FKBP1C: variants seen among roughly 807,000 people sequenced by gnomAD.
FKBP1C encodes the protein peptidyl-prolyl cis-trans isomerase FKBP1C.
FKBP1C carries 7 observed loss-of-function variants against 7.1 expected under a neutral mutation model. The ratio of observed to expected loss-of-function variants is 0.99; its 90% CI spans 0.56 to 1.86. FKBP1C has a LOEUF of 1.86. Ranked by LOEUF, FKBP1C falls within the 40% of genes most tolerant of loss-of-function variation. FKBP1C has a pLI of 0.00. For synonymous variants in FKBP1C, 56 were observed against 51.2 expected, an observed-to-expected ratio of 1.09 and a Z score of -0.40; for missense variants, 159 against 139.9, an observed-to-expected ratio of 1.14 and a Z score of -0.69.
chr6:63,211,593 T>G (rs778891458), exon 1 of FKBP1C: 12 of 1,545,814 alleles, frequency 7.8e-6, no homozygotes, highest in African/African-American at 6.8e-5. Flanking sequence ...CCCAGGAGAC[T>G]GGCGCACCTT....
Position 63,211,857 on chromosome 6 carries a change from G to A in FKBP1C, c.301G>A (p.Asp101Asn), listed in dbSNP as rs748793060. Residue 101 changes from aspartate to asparagine, a missense_variant, in exon 1 of 1, where the codon GAT becomes AAT. Asp to Asn is a conservative substitution (Grantham distance 23). Transcript: ENST00000370659. ...CCCACCACATGCCACTCTCGTCTTC[G>A]ATGTGGAGCTTCTAAAACTGGAATG... 26 of 1,613,020 alleles carry A rather than the reference G, an allele frequency of 1.6e-5. No homozygotes were observed. In the South Asian group the frequency reaches 2.2e-4, roughly 14 times the overall value.
exon 1 of FKBP1C, chr6:63,212,149 G>C: frequency 1.7e-6 from 1 of 592,096 alleles, no homozygotes; most frequent in South Asian, 2.2e-5. Flanking sequence ...TTTTCATTTT[G>C]GGGTGAAGAT....
chr6:63,212,848 C>T (rs1036616253), exon 1 of FKBP1C: 9 of 166,796 alleles, frequency 5.4e-5, no homozygotes, highest in Non-Finnish European at 7.3e-5. Flanking sequence ...ATGCTTGGCT[C>T]CCTCTGCTGA....
chr6:63,212,292 G>A (rs1029186189), exon 1 of FKBP1C: 4 of 245,886 alleles, frequency 1.6e-5, no homozygotes, highest in Admixed American at 5.1e-5. Flanking sequence ...TTAATTTTTT[G>A]GATGAAATTT....
rs1766111116 is a variant in FKBP1C, at chr6:63,211,940, G to C, written c.*57G>C. 6.4e-6 allele frequency: 10 copies of C among 1,572,684 alleles called. No individual in the cohort carries two copies. In the South Asian group the frequency reaches 6.6e-5, roughly 10 times the overall value. On this transcript the variant is annotated 3_prime_UTR_variant, in exon 1 of 1. Coordinates refer to ENST00000370659, the Ensembl canonical transcript of FKBP1C. ...CTTGGATCTGCCATGGAGGGATCTG[G>C]TGCCTCCAGACGTGTGCACATAAAT...
downstream of FKBP1C, chr6:63,213,024 A>AAACT (rs1766128890): frequency 6.5e-6 from 1 of 154,082 alleles, no homozygotes; most frequent in Non-Finnish European, 1.5e-5. Flanking sequence ...CTTTTCTCAA[A>AAACT]AAATAAATAA....
rs768350516 is a variant in FKBP1C at position 63,211,680 on chromosome 6, G to A, written c.124G>A (p.Asp42Asn). 6.8e-6 allele frequency: 11 copies of A among 1,614,094 alleles called. No individual in the cohort carries two copies. The East Asian group carries it at 1.1e-4, about 16-fold the overall frequency. The change falls in exon 1 of 1, where the codon GAC becomes AAC. Residue 42 changes from aspartate to asparagine, a missense_variant. Coordinates refer to ENST00000370659, the Ensembl canonical transcript of FKBP1C. Reference sequence around the variant, plus strand: ...TGGAAAGAAATTTGATTCCTCCCGGGACAGAAACAAGCCCTTTAAGTTTAT... The same window carrying A: ...TGGAAAGAAATTTGATTCCTCCCGGAACAGAAACAAGCCCTTTAAGTTTAT...
At chr6:63,211,745 G>A in exon 1 of FKBP1C, 1 of 1,614,036 alleles carries the variant, frequency 6.2e-7, no homozygotes, top group Non-Finnish European at 8.5e-7. Flanking sequence ...GGGAAGAAGG[G>A]GTTGTCCAGA....
At chr6:63,211,514 G>C in exon 1 of FKBP1C, 1 of 785,208 alleles carries the variant, frequency 1.3e-6, no homozygotes, top group Non-Finnish European at 2.2e-6. Flanking sequence ...GTCGGTCCAC[G>C]CCGCCCGTCG....
chr6:63,211,571 G>A (rs759222991), exon 1 of FKBP1C: 1 of 1,448,466 alleles, frequency 6.9e-7, no homozygotes, highest in Non-Finnish European at 9.7e-7. Context: ...GAGTGCACGT[G>A]GAAACCATCT....
At position 63,211,940 on chromosome 6, in the gene FKBP1C, G is replaced by A. The variant is rs1766111116; in HGVS notation, c.*57G>A. 3.2e-6 allele frequency: 5 copies of A among 1,572,800 alleles called. No individual in the cohort carries two copies. In the South Asian group the frequency reaches 4.4e-5, roughly 14 times the overall value. On this transcript the variant is annotated 3_prime_UTR_variant, in exon 1 of 1. Coordinates refer to ENST00000370659, the Ensembl canonical transcript of FKBP1C. The stretch of plus-strand genomic sequence containing the variant: ...CTTGGATCTGCCATGGAGGGATCTG[G>A]TGCCTCCAGACGTGTGCACATAAAT...
chr6:63,211,724 G>A, exon 1 of FKBP1C: 1 of 1,614,030 alleles, frequency 6.2e-7, no homozygotes, highest in Non-Finnish European at 8.5e-7. Flanking sequence ...AGCAGGAGGT[G>A]ATCCGAGGCT....
exon 1 of FKBP1C, chr6:63,212,879 T>A (rs576002046): frequency 1.8e-4 from 30 of 167,072 alleles, no homozygotes; most frequent in East Asian, 1.2e-3. Flanking sequence ...TCCTGGCTTT[T>A]CCTCCCTCAG....
In FKBP1C at chr6:63,211,600, C is replaced by T. The variant is rs781733124; in HGVS notation, c.44C>T (p.Thr15Ile). Reference sequence around the variant, plus strand: ...ACCATCTCCCCAGGAGACTGGCGCACCTTCCCGAAGCGCAGCCAGACCTGC... The same window carrying T: ...ACCATCTCCCCAGGAGACTGGCGCATCTTCCCGAAGCGCAGCCAGACCTGC... Residue 15 changes from threonine to isoleucine, a missense_variant, in exon 1 of 1, where the codon ACC (threonine) becomes ATC (isoleucine). Physicochemically the swap from Thr to Ile is moderately conservative, Grantham distance 89. Transcript: ENST00000370659. 1.5e-5 allele frequency: 23 copies of T among 1,572,754 alleles called. No homozygotes were observed. In the Admixed American group the frequency reaches 2.7e-4, roughly 18 times the overall value.
At chr6:63,211,749 G>A (rs1159300129) in exon 1 of FKBP1C, 2 of 1,613,924 alleles carry the variant, frequency 1.2e-6, no homozygotes, top group African/African-American at 1.3e-5. Flanking sequence ...AGAAGGGGTT[G>A]TCCAGATGAG....
At chr6:63,211,521 G>C (rs753649256) in exon 1 of FKBP1C, 13 of 866,236 alleles carry the variant, frequency 1.5e-5, no homozygotes, top group Non-Finnish European at 2.3e-5. Flanking sequence ...CACGCCGCCC[G>C]TCGCGCTGCC....
At chr6:63,211,884 C>A (rs1186604308) in exon 1 of FKBP1C, 2 of 1,612,702 alleles carry the variant, frequency 1.2e-6, no homozygotes, top group South Asian at 2.2e-5. Context: ...ACTGGAATGA[C>A]AGGAATGGCC....
Position 63,211,894 on chromosome 6 carries a change from C to G in FKBP1C, c.*11C>G, listed in dbSNP as rs765697626. On this transcript the variant is annotated 3_prime_UTR_variant, in exon 1 of 1. Coordinates refer to ENST00000370659, the Ensembl canonical transcript of FKBP1C. Reference sequence around the variant, plus strand: ...CTAAAACTGGAATGACAGGAATGGCCTCCTCCCTTAGCTCCCTGTTCTTGG... The same window carrying G: ...CTAAAACTGGAATGACAGGAATGGCGTCCTCCCTTAGCTCCCTGTTCTTGG... 1.9e-6 allele frequency: 3 copies of G among 1,612,250 alleles called. No individual in the cohort carries two copies. In the Admixed American group the frequency reaches 5.0e-5, roughly 27 times the overall value.
exon 1 of FKBP1C, chr6:63,211,955 T>C: frequency 6.6e-7 from 1 of 1,526,082 alleles, no homozygotes; most frequent in South Asian, 1.1e-5. Context: ...TCCAGACGTG[T>C]GCACATAAAT....
Sources: allele counts gnomAD v4.1 joint callset, GRCh38; gene constraint gnomAD v4.1.1; transcripts MANE v1.5; gene names NCBI Gene and HGNC (gene_info 2026-07-23, HGNC 2026-07-21).